The following CCL26 variants were observed in gnomAD, a reference collection of about 807,000 sequenced individuals.
CCL26 encodes C-C motif chemokine ligand 26, also known as C-C motif chemokine 26.
In CCL26, 10 loss-of-function variants were observed where a neutral mutation model predicts 10.7. The observed-to-expected ratio is 0.93, with a 90% CI of 0.57 to 1.58. The LOEUF (loss-of-function observed/expected upper bound fraction) is 1.58. Ranked by LOEUF, CCL26 falls within the 40% of genes most tolerant of loss-of-function variation. The pLI, the probability that CCL26 is intolerant of heterozygous loss-of-function variation, is 0.00. For synonymous variants in CCL26, 43 were observed against 41.4 expected, an observed-to-expected ratio of 1.04 and a Z score of -0.15; for missense variants, 116 against 111.0, an observed-to-expected ratio of 1.05 and a Z score of -0.20.
intron 1 of CCL26, among the ~76,000 whole-genome samples, chr7:75,778,777 C>A (rs1477848948): frequency 1.3e-5 from 2 of 151,688 alleles, no homozygotes; most frequent in African/African-American, 4.9e-5. Flanking sequence ...TAAAACTAAT[C>A]TTTAAAGGAT....
chr7:75,774,254 A>G (rs1400959794), upstream of CCL26, among the ~76,000 whole-genome samples: 1 of 152,188 alleles, frequency 6.6e-6, no homozygotes, highest in African/African-American at 2.4e-5. Flanking sequence ...GGCTCAAGCA[A>G]TTCTCGTGAC....
chr7:75,785,444 TTCAACATTTATTCTCCA>T (rs1554529881), intron 1 of CCL26, among the ~76,000 whole-genome samples: 1 of 152,192 alleles, frequency 6.6e-6, no homozygotes, highest in East Asian at 1.9e-4. Context: ...CTCCTGCTCC[TTCAACATTTATTCTCCA>T]AAGGATATCA....
upstream of CCL26, among the ~76,000 whole-genome samples, chr7:75,790,936 T>C (rs532683607): frequency 5.6e-4 from 84 of 150,074 alleles, no homozygotes; most frequent in African/African-American, 2.0e-3. Context: ...AGAGACTCCA[T>C]TTCAAAAAAA....
upstream of CCL26, among the ~76,000 whole-genome samples, chr7:75,772,759 T>C (rs554650826): frequency 1.3e-4 from 19 of 151,928 alleles, no homozygotes; most frequent in African/African-American, 2.4e-4. Flanking sequence ...AGAAGAGAAT[T>C]TGGGAGAAGA....
At chr7:75,772,881 G>A (rs1802860664), upstream of CCL26, among the ~76,000 whole-genome samples, 1 of 152,168 alleles carries the variant, frequency 6.6e-6, no homozygotes, top group Non-Finnish European at 1.5e-5. Flanking sequence ...CCAGTGAACT[G>A]AACTAAGTTA....
chr7:75,772,124 A>C lies in CCL26; in HGVS notation c.53T>G (p.Leu18Arg), dbSNP rs11465333. ...CGTACGTGTGGCAGTTCCAAGGTGG[A>C]GACTCAGGAGGGAGGCCAGGAGCAC... ...SAVLLASLLS[L>R]HLGTATRGSD... The change falls in exon 1 of 3, where the codon CTC becomes CGC. Residue 18 changes from leucine to arginine, a missense_variant. Coordinates refer to ENST00000005180, the MANE Select transcript of CCL26 (RefSeq NM_001371938.1). The C allele has an allele frequency of 1.5e-3, 2,420 of 1,566,586 alleles. 24 individuals are homozygous for C. In the African/African-American group the frequency reaches 0.029, roughly 19 times the overall value.
In CCL26 at chr7:75,769,843, T is replaced by G; in HGVS notation, c.189-54A>C. On this transcript the variant is annotated intron_variant, in intron 2 of 2. Coordinates refer to ENST00000005180, the MANE Select transcript of CCL26 (RefSeq NM_001371938.1). ...TATTGAGACTCTTTGCCTCCTGGGG[T>G]GGGATAGAAAGGGAAGGAGGGGCAG... 2.6e-6 allele frequency: 3 copies of G among 1,160,602 alleles called. No individual in the cohort carries two copies. In the South Asian group the frequency reaches 3.7e-5, roughly 14 times the overall value. The allele number at this position is 1,160,602 out of a possible 1,614,324, so 71.9% of individuals were successfully genotyped here.
intron 1 of CCL26, among the ~76,000 whole-genome samples, chr7:75,786,927 T>C (rs935654674): frequency 6.6e-6 from 1 of 152,172 alleles, no homozygotes; most frequent in Non-Finnish European, 1.5e-5. Flanking sequence ...AAATCTATCC[T>C]CAAGGAAATC....
intron 1 of CCL26, among the ~76,000 whole-genome samples, chr7:75,783,537 C>A (rs534454128): frequency 6.6e-6 from 1 of 152,126 alleles, no homozygotes; most frequent in African/African-American, 2.4e-5. Context: ...CGGTGGCTCA[C>A]GCTTGTAATC....
upstream of CCL26, among the ~76,000 whole-genome samples, chr7:75,774,833 T>C (rs1180807168): frequency 1.3e-5 from 2 of 151,488 alleles, no homozygotes; most frequent in African/African-American, 2.4e-5. Context: ...GGCAGGAGGG[T>C]CACTTGAGCC....
intron 1 of CCL26, among the ~76,000 whole-genome samples, chr7:75,788,735 AAAG>A (rs1425682402): frequency 2.0e-5 from 3 of 151,838 alleles, no homozygotes; most frequent in South Asian, 4.2e-4. Flanking sequence ...AAAAAAAAAA[AAAG>A]AAGAAAAAAA....
chr7:75,780,635 A>ACAT (rs1803040641), intron 1 of CCL26, among the ~76,000 whole-genome samples: 1 of 152,018 alleles, frequency 6.6e-6, no homozygotes, highest in South Asian at 2.1e-4. Context: ...ATTCTTTTAC[A>ACAT]CATCAGTCCC....
At chr7:75,773,015 A>G (rs1369495686), upstream of CCL26, among the ~76,000 whole-genome samples, 1 of 152,074 alleles carries the variant, frequency 6.6e-6, no homozygotes, top group Admixed American at 6.6e-5. Flanking sequence ...ATCATAGAGT[A>G]GCCCAACCTC....
chr7:75,779,997 C>T (rs977440675), intron 1 of CCL26, among the ~76,000 whole-genome samples: 2 of 148,816 alleles, frequency 1.3e-5, no homozygotes, highest in Admixed American at 6.7e-5. Context: ...GCACCTCCTA[C>T]CCCTTTTCCA....
At position 75,772,100 on chromosome 7, in the gene CCL26, G is replaced by A. The variant is rs2240478; in HGVS notation, c.73+4C>T. On this transcript the variant is annotated splice_donor_region_variant and intron_variant, in intron 1 of 2. Transcript: ENST00000005180. Reference sequence around the variant, plus strand: ...CCCAGGAGGGGAATGGGCCAGCTACGTACGTGTGGCAGTTCCAAGGTGGAG... The same window carrying A: ...CCCAGGAGGGGAATGGGCCAGCTACATACGTGTGGCAGTTCCAAGGTGGAG... 0.2 allele frequency: 315,149 copies of A among 1,586,878 alleles called. 33,940 individuals are homozygous for A. Among genetic ancestry groups the A allele is most frequent in the Admixed American group, 0.42 (23,264 of 54,742 alleles).
intron 1 of CCL26, among the ~76,000 whole-genome samples, chr7:75,782,765 G>A (rs60441612): frequency 0.27 from 41,627 of 151,864 alleles, 6,042 homozygotes; most frequent in African/African-American, 0.36. Flanking sequence ...CTGACGTCCA[G>A]GCATTCTTTT....
rs1554528149 is a variant in CCL26, at chr7:75,771,957, C to G, written c.120G>C (p.Lys40Asn). 6.2e-7 allele frequency: 1 copy of G among 1,614,026 alleles called. No homozygotes were observed. Among genetic ancestry groups the G allele is most frequent in the African/African-American group, 1.3e-5 (1 of 74,930 alleles). ...TTCGCACCCAGGTCCAGGGAAGGGG[C>G]TTGTGGCTGTATTGGAAGCAGCAGG... is the stretch of plus-strand genomic sequence containing the variant. ...SKTCCFQYSH[K>N]PLPWTWVRSY... The change falls in exon 2 of 3, where the codon AAG becomes AAC. Residue 40 changes from lysine (K) to asparagine (N), a missense_variant. Lys to Asn is a moderately conservative substitution (Grantham distance 94, BLOSUM62 0). Coordinates refer to ENST00000005180, the MANE Select transcript of CCL26 (RefSeq NM_001371938.1).
At chr7:75,770,626 C>G (rs1408447457) in intron 2 of CCL26, among the ~76,000 whole-genome samples, 1 of 151,972 alleles carries the variant, frequency 6.6e-6, no homozygotes, top group Admixed American at 6.6e-5. Flanking sequence ...GGAGATCTGC[C>G]CACCTCAGCC....
At chr7:75,786,355 C>T (rs1441833853) in intron 1 of CCL26, among the ~76,000 whole-genome samples, 3 of 152,188 alleles carry the variant, frequency 2.0e-5, no homozygotes, top group African/African-American at 7.2e-5. Context: ...TCTTCCACAT[C>T]TATCATTGAG....
Sources: allele counts gnomAD v4.1 joint callset (sites outside exome capture counted in the v4.1 genomes callset), GRCh38; gene constraint gnomAD v4.1.1; transcripts MANE v1.5; gene names NCBI Gene and HGNC (gene_info 2026-07-23, HGNC 2026-07-21).